The following CNTNAP5 variants were observed in gnomAD, a reference collection of about 807,000 sequenced individuals.
CNTNAP5 encodes the protein contactin associated protein family member 5.
Under a neutral mutation model 150.2 loss-of-function variants are expected in CNTNAP5, and 72 were observed. That is an observed-to-expected ratio of 0.48 (90% CI 0.40 to 0.58). The LOEUF is 0.58. Ranked by LOEUF, CNTNAP5 falls within the 20% of genes least tolerant of loss-of-function variation. The probability of loss-of-function intolerance (pLI) is 0.00; values close to 1 mark genes in which losing one functional copy is unlikely to be tolerated. For missense variants in CNTNAP5, 1,636 were observed against 1,626.2 expected, an observed-to-expected ratio of 1.01 and a Z score of -0.10; for synonymous variants, 672 against 619.8, an observed-to-expected ratio of 1.08 and a Z score of -1.25.
At chr2:124,583,153 T>C (rs1339192956) in intron 11 of CNTNAP5, among the ~76,000 whole-genome samples, 2 of 151,976 alleles carry the variant, frequency 1.3e-5, no homozygotes, top group African/African-American at 2.4e-5. Flanking sequence ...TTTCACACCT[T>C]GCTTCCCTAC....
Position 124,486,689 on chromosome 2 carries a change from T to C in CNTNAP5, c.1062+11807T>C, listed in dbSNP as rs550497115. Reference sequence around the variant, plus strand: ...CAGTTTTATGCAATACCAGCATGTCTCACAAATGTATGAAGTCCAAAACCA... The same window carrying C: ...CAGTTTTATGCAATACCAGCATGTCCCACAAATGTATGAAGTCCAAAACCA... On this transcript the variant is annotated intron_variant, in intron 7 of 23. Coordinates refer to ENST00000682447, the MANE Select transcript of CNTNAP5 (RefSeq NM_001367498.1). Among the ~76,000 whole-genome samples the C allele has an allele frequency of 5.9e-5, 9 of 152,350 alleles. No homozygotes were observed. The South Asian group carries it at 1.0e-3, about 18-fold the overall frequency.
chr2:124,428,765 G>T (rs997300283), intron 4 of CNTNAP5, among the ~76,000 whole-genome samples: 1 of 151,490 alleles, frequency 6.6e-6, no homozygotes, highest in Non-Finnish European at 1.5e-5. Flanking sequence ...CTTAGGTAAT[G>T]TGTGTATATT....
intron 1 of CNTNAP5, among the ~76,000 whole-genome samples, chr2:124,116,437 G>A (rs531691742): frequency 1.3e-5 from 2 of 152,278 alleles, no homozygotes; most frequent in Non-Finnish European, 2.9e-5. Context: ...GGAAGAGATG[G>A]CAGTAGCAGG....
intron 4 of CNTNAP5, among the ~76,000 whole-genome samples, chr2:124,418,119 A>C (rs765013601): frequency 9.2e-5 from 14 of 152,228 alleles, no homozygotes; most frequent in Non-Finnish European, 1.8e-4. Context: ...AAAGATTATA[A>C]AGATGGGTAG....
intron 21 of CNTNAP5, among the ~76,000 whole-genome samples, chr2:124,884,405 G>C (rs1040126807): frequency 2.0e-5 from 3 of 151,936 alleles, no homozygotes; most frequent in African/African-American, 7.3e-5. Context: ...CTTCTTTTCT[G>C]AGTAGTCACA....
intron 12 of CNTNAP5, among the ~76,000 whole-genome samples, chr2:124,633,201 A>G (rs937804456): frequency 6.6e-6 from 1 of 152,186 alleles, no homozygotes; most frequent in Non-Finnish European, 1.5e-5. Context: ...AACTCATGTT[A>G]ACATTAACTC....
At chr2:124,795,331 C>T (rs961989629) in intron 18 of CNTNAP5, among the ~76,000 whole-genome samples, 1 of 152,144 alleles carries the variant, frequency 6.6e-6, no homozygotes, top group African/African-American at 2.4e-5. Context: ...CCATTTCCAG[C>T]TCCTTCTCCT....
chr2:124,820,224 T>C (rs1195622798), intron 19 of CNTNAP5, among the ~76,000 whole-genome samples: 1 of 152,148 alleles, frequency 6.6e-6, no homozygotes, highest in African/African-American at 2.4e-5. Flanking sequence ...TGTCAAACAT[T>C]TGAGGCATTT....
intron 1 of CNTNAP5, among the ~76,000 whole-genome samples, chr2:124,176,862 T>TTTTTTTTTTTTAG (rs1685078604): frequency 8.2e-6 from 1 of 121,954 alleles, no homozygotes; most frequent in Admixed American, 9.1e-5. Flanking sequence ...TTTTTTTTTT[T>TTTTTTTTTTTTAG]ACATGGCGTT....
chr2:124,136,087 G>A (rs1683966151), intron 1 of CNTNAP5, among the ~76,000 whole-genome samples: 1 of 152,168 alleles, frequency 6.6e-6, no homozygotes. Flanking sequence ...AGGCTGTGAT[G>A]TCCAATTTCC....
At chr2:124,647,669 C>A in intron 12 of CNTNAP5, 89 bp from the exon 13 acceptor site, 1 of 1,200,236 alleles carries the variant, frequency 8.3e-7, no homozygotes, top group Non-Finnish European at 1.2e-6. Context: ...ATTAATGTTG[C>A]ACGCTGAGTG....
chr2:124,345,761 T>C (rs573807590), intron 3 of CNTNAP5, among the ~76,000 whole-genome samples: 1 of 152,186 alleles, frequency 6.6e-6, no homozygotes, highest in Non-Finnish European at 1.5e-5. Flanking sequence ...AAATCTCTCA[T>C]GATCTCATTT....
chr2:124,263,137 T>C (rs995646329), intron 3 of CNTNAP5, among the ~76,000 whole-genome samples: 1 of 152,180 alleles, frequency 6.6e-6, no homozygotes, highest in Non-Finnish European at 1.5e-5. Flanking sequence ...TATAACAGCA[T>C]GATTTATAAT....
At chr2:124,521,753 G>A (rs1418997471) in intron 8 of CNTNAP5, among the ~76,000 whole-genome samples, 2 of 152,104 alleles carry the variant, frequency 1.3e-5, no homozygotes, top group Non-Finnish European at 2.9e-5. Flanking sequence ...TTATGCAGAT[G>A]TATTCAAATG....
intron 3 of CNTNAP5, among the ~76,000 whole-genome samples, chr2:124,265,706 G>A (rs553206396): frequency 6.6e-6 from 1 of 152,184 alleles, no homozygotes; most frequent in East Asian, 1.9e-4. Flanking sequence ...AATTGGAGGT[G>A]CACACTCTGG....
At chr2:124,792,886 T>C (rs1681764272) in intron 18 of CNTNAP5, among the ~76,000 whole-genome samples, 1 of 152,146 alleles carries the variant, frequency 6.6e-6, no homozygotes, top group African/African-American at 2.4e-5. Context: ...TGCCAAAGAG[T>C]GTTGCGCAGT....
chr2:124,284,763 G>T lies in CNTNAP5; in HGVS notation c.381+42370G>T, dbSNP rs144168037. ...GAAAAGAATGAATGTTTGAAACAGT[G>T]TCATCAAGCTTTACACACCTATAAA... On this transcript the variant is annotated intron_variant, in intron 3 of 23. Transcript: ENST00000682447. Among the ~76,000 whole-genome samples, 190 of 152,246 alleles carry T rather than the reference G, an allele frequency of 1.2e-3. 2 individuals carry two copies. The highest frequency in any genetic ancestry group is 4.3e-3 in the African/African-American group (179 of 41,562).
intron 4 of CNTNAP5, among the ~76,000 whole-genome samples, chr2:124,428,268 C>T (rs1692288941): frequency 6.6e-6 from 1 of 152,204 alleles, no homozygotes; most frequent in Admixed American, 6.5e-5. Flanking sequence ...CCTCCTAACC[C>T]TCTGCCCCTC....
At chr2:124,765,967 A>T (rs1681060070) in intron 16 of CNTNAP5, among the ~76,000 whole-genome samples, 1 of 151,400 alleles carries the variant, frequency 6.6e-6, no homozygotes, top group Non-Finnish European at 1.5e-5. Context: ...AGAAAAAAAA[A>T]ATAGGTTAAA....
Sources: gnomAD v4.1 joint callset for allele counts (sites outside exome capture counted in the v4.1 genomes callset) on GRCh38, gnomAD v4.1.1 for gene constraint, MANE v1.5 for transcripts, NCBI Gene and HGNC (gene_info 2026-07-23, HGNC 2026-07-21) for gene names.